Variants in FRMD7 observed in about 807,000 individuals in gnomAD.
The protein encoded by FRMD7 is FERM domain-containing protein 7.
A neutral mutation model predicts 44.1 loss-of-function variants in FRMD7; 14 were observed. That is an observed-to-expected ratio of 0.32 (90% CI 0.21 to 0.50). The LOEUF is 0.50. Ranked by LOEUF, FRMD7 falls within the 20% of genes least tolerant of loss-of-function variation. FRMD7 has a pLI of 0.99. For missense variants in FRMD7, 501 were observed against 522.3 expected (o/e 0.96, Z 0.40); for synonymous variants, 212 against 187.4 (o/e 1.13, Z -1.07).
chrX:132,079,679 A>G (rs1927744180), intron 11 of FRMD7, among the ~76,000 whole-genome samples: 1 of 112,206 alleles, frequency 8.9e-6, no homozygotes, highest in East Asian at 2.8e-4. Context: ...ACACTTTAAG[A>G]TTTTCATAGG....
At chrX:132,126,500 A>G (rs996564194) in intron 1 of FRMD7, among the ~76,000 whole-genome samples, 22 of 111,592 alleles carry the variant, frequency 2.0e-4, no homozygotes, top group African/African-American at 7.2e-4. Flanking sequence ...ATGGATCTGA[A>G]TTAGACTGCA....
intron 10 of FRMD7, 53 bp from the exon 11 acceptor site, chrX:132,080,134 G>T: frequency 9.0e-7 from 1 of 1,115,553 alleles, no homozygotes; most frequent in Non-Finnish European, 1.2e-6. Flanking sequence ...TGAATACCAG[G>T]ATACATAGAA....
intron 5 of FRMD7, among the ~76,000 whole-genome samples, chrX:132,087,694 A>T (rs1228903990): frequency 9.0e-6 from 1 of 111,553 alleles, no homozygotes; most frequent in African/African-American, 3.3e-5. Flanking sequence ...TTAGCAACAT[A>T]TTCTATGAGG....
chrX:132,082,198 C>T lies in FRMD7; in HGVS notation c.905+165G>A, dbSNP rs184193227. ...ATCTTCCTCCCTCCTAGTTAGAAAA[C>T]ATTGACTTAATGTGTCATACAGAGA... On this transcript the variant is annotated intron_variant, in intron 9 of 11. Transcript: ENST00000298542. Among the ~76,000 whole-genome samples the T allele has an allele frequency of 7.7e-4, 86 of 112,198 alleles. 2 individuals carry two copies. The Admixed American group carries it at 8.0e-3, about 10-fold the overall frequency.
At chrX:132,103,466 C>T (rs1429998699) in intron 1 of FRMD7, among the ~76,000 whole-genome samples, 2 of 106,036 alleles carry the variant, frequency 1.9e-5, no homozygotes, top group African/African-American at 6.9e-5. Flanking sequence ...CCTGTCTCAT[C>T]CTGATATCTG....
intron 1 of FRMD7, among the ~76,000 whole-genome samples, chrX:132,101,527 A>G (rs1465183947): frequency 2.7e-5 from 3 of 112,113 alleles, no homozygotes; most frequent in African/African-American, 9.7e-5. Context: ...GAATTCCTCC[A>G]TAGCAGGGAC....
At chrX:132,127,542 T>C (rs932353601) in intron 1 of FRMD7, among the ~76,000 whole-genome samples, 1 of 112,500 alleles carries the variant, frequency 8.9e-6, no homozygotes, top group African/African-American at 3.2e-5. Context: ...CAAATAGTTA[T>C]CCTGTCTTTA....
chrX:132,096,417 T>C (rs1386496021), intron 4 of FRMD7, among the ~76,000 whole-genome samples: 1 of 110,201 alleles, frequency 9.1e-6, no homozygotes, highest in African/African-American at 3.3e-5. Context: ...CTCTTTCACG[T>C]ATAGGAGTCT....
In FRMD7 at chrX:132,094,068, G is replaced by A. The variant is rs1281737720; in HGVS notation, c.356C>T (p.Ala119Val). 1.7e-6 allele frequency: 2 copies of A among 1,171,956 alleles called. No individual in the cohort carries two copies. Among genetic ancestry groups the A allele is most frequent in the East Asian group, 5.9e-5 (2 of 33,728 alleles). ...TTGTAAGATGTGAGATACCATCAAC[G>A]CTGTACAGTTGTCACTGCATGGAAG... is the stretch of plus-strand genomic sequence containing the variant. ...GRLPCSDNCT[A>V]LMVSHILQSE... Residue 119 changes from alanine to valine, a missense_variant, in exon 5 of 12, where the codon GCG becomes GTG. This residue lies in a region of FRMD7 where 453 missense variants were observed against 452.7 expected (regional missense o/e 1.00). Coordinates refer to ENST00000298542, the MANE Select transcript of FRMD7 (RefSeq NM_194277.3).
rs145032366 is a variant in FRMD7 at position 132,119,080 on chromosome X, A to G, written c.57+8708T>C. ...CACCATAATATACATACCTGCTTATATCTCTGATTCTTCCCCTAGCCCATG... is the reference window on the plus strand; with the variant it reads ...CACCATAATATACATACCTGCTTATGTCTCTGATTCTTCCCCTAGCCCATG... On this transcript the variant is annotated intron_variant, in intron 1 of 11. Transcript: ENST00000298542. 9.8e-5 allele frequency among the ~76,000 whole-genome samples: 11 copies of G among 112,123 alleles called. No homozygotes were observed. The East Asian group carries it at 3.1e-3, about 31-fold the overall frequency.
chrX:132,098,868 T>C (rs1315168306), intron 3 of FRMD7, among the ~76,000 whole-genome samples: 2 of 111,188 alleles, frequency 1.8e-5, no homozygotes, highest in Non-Finnish European at 3.8e-5. Flanking sequence ...ATTAAAACAG[T>C]GCAAAGTCCT....
Position 132,078,230 on chromosome X carries a change from A to G in FRMD7, c.1787T>C (p.Met596Thr). The G allele has an allele frequency of 8.3e-7, 1 of 1,211,444 alleles. No individual in the cohort carries two copies. The highest frequency in any genetic ancestry group is 1.1e-6 in the Non-Finnish European group (1 of 894,972). ...TPKRSQSQSD[M>T]KTIRFPFGSE... is the part of the protein sequence containing the mutation. ...CCCAAAAGGAAAACGAATAGTTTTC[A>G]TGTCTGATTGGCTCTGGGACCTTTT... is the stretch of plus-strand genomic sequence containing the variant. Residue 596 changes from methionine (M) to threonine (T), a missense_variant, in exon 12 of 12, where the codon ATG becomes ACG. Met to Thr is a moderately conservative substitution (Grantham distance 81, BLOSUM62 -1). Coordinates refer to ENST00000298542, the MANE Select transcript of FRMD7 (RefSeq NM_194277.3).
At chrX:132,107,515 G>A (rs1928674528) in intron 1 of FRMD7, among the ~76,000 whole-genome samples, 1 of 109,952 alleles carries the variant, frequency 9.1e-6, no homozygotes, top group Non-Finnish European at 1.9e-5. Flanking sequence ...CTGGAGACCT[G>A]GGATGAGGGT....
intron 1 of FRMD7, among the ~76,000 whole-genome samples, chrX:132,110,428 G>A (rs1928749537): frequency 9.0e-6 from 1 of 111,095 alleles, no homozygotes; most frequent in Non-Finnish European, 1.9e-5. Context: ...GAGAGAGAGA[G>A]TGTCCTAGAG....
chrX:132,117,955 T>C (rs972967536), intron 1 of FRMD7, among the ~76,000 whole-genome samples: 2 of 112,325 alleles, frequency 1.8e-5, no homozygotes, highest in Admixed American at 9.4e-5. Flanking sequence ...TTTTTGGTTG[T>C]CTTATTTTTG....
intron 1 of FRMD7, among the ~76,000 whole-genome samples, chrX:132,126,448 G>A (rs1203996960): frequency 9.0e-6 from 1 of 111,682 alleles, no homozygotes; most frequent in Non-Finnish European, 1.9e-5. Flanking sequence ...ATTTTGTGAA[G>A]ATATGGTACT....
At chrX:132,098,301 CAA>C (rs1261533001) in intron 3 of FRMD7, among the ~76,000 whole-genome samples, 2 of 112,350 alleles carry the variant, frequency 1.8e-5, no homozygotes, top group African/African-American at 6.5e-5. Context: ...TTAGTTTTGT[CAA>C]AGTCAGCAGA....
rs773973114 is a variant in FRMD7, at chrX:132,082,398, G to A, written c.870C>T (p.Thr290=). ...AACTGGAACCCTTGCTGCAGAGTAGGGTTTTGGGCTTTGATTTGGGCTCTT... is the reference window on the plus strand; with the variant it reads ...AACTGGAACCCTTGCTGCAGAGTAGAGTTTTGGGCTTTGATTTGGGCTCTT... ...LSEEPKSKPK[T]LLCSKGSSFR... is the part of the protein sequence containing the mutation. Residue 290 remains threonine (T), a synonymous_variant, in exon 9 of 12, where the codon ACC becomes ACT. Transcript: ENST00000298542. 4.1e-6 allele frequency: 5 copies of A among 1,210,658 alleles called. No individual in the cohort carries two copies. The South Asian group carries it at 7.0e-5, about 17-fold the overall frequency.
chrX:132,112,026 T>C (rs1432031583), intron 1 of FRMD7, among the ~76,000 whole-genome samples: 2 of 112,330 alleles, frequency 1.8e-5, no homozygotes, highest in Non-Finnish European at 3.8e-5. Flanking sequence ...TACTTTTCGG[T>C]AAAAATGCAA....
Sources: gnomAD v4.1 joint callset for allele counts (sites outside exome capture counted in the v4.1 genomes callset) on GRCh38, gnomAD v4.1.1 for gene constraint, gnomAD v4.1.1 regional missense constraint, MANE v1.5 for transcripts, NCBI Gene and HGNC (gene_info 2026-07-23, HGNC 2026-07-21) for gene names.